YEATS4: variants seen among roughly 807,000 people sequenced by gnomAD.
YEATS4 encodes YEATS domain-containing protein 4.
YEATS4 carries 17 observed loss-of-function variants against 30.1 expected under a neutral mutation model. That is an observed-to-expected ratio of 0.56 (90% CI 0.39 to 0.85). YEATS4 has a LOEUF of 0.85. YEATS4 is among the 40% of genes least tolerant of loss of function. YEATS4 has a pLI of 0.00. For synonymous variants in YEATS4, 85 were observed against 87.5 expected (o/e 0.97, Z 0.16); for missense variants, 142 against 268.3 (o/e 0.53, Z 3.29).
At chr12:69,360,847 A>G (rs1400382981) in intron 1 of YEATS4, among the ~76,000 whole-genome samples, 1 of 151,838 alleles carries the variant, frequency 6.6e-6, no homozygotes, top group Non-Finnish European at 1.5e-5. Context: ...ATAAATAAAA[A>G]TCAGAAGGGG....
the YEATS4 span, among the ~76,000 whole-genome samples, chr12:69,398,437 T>A: frequency 0.99 from 151,273 of 152,272 alleles, 75,142 homozygotes; most frequent in African/African-American, 1. Flanking sequence ...ATAAAAATTT[T>A]AAAAAAATTT....
chr12:69,360,260 G>C (rs924992160), intron 1 of YEATS4, among the ~76,000 whole-genome samples: 6 of 152,188 alleles, frequency 3.9e-5, no homozygotes, highest in African/African-American at 1.4e-4. Context: ...CAGATAAATG[G>C]TGGCTTGGGG....
Position 69,359,748 on chromosome 12 carries a change from T to G in YEATS4, c.-225T>G. 1 of 550,750 alleles carries G rather than the reference T, an allele frequency of 1.8e-6. No homozygotes were observed. The highest frequency in any genetic ancestry group is 3.2e-6 in the Non-Finnish European group (1 of 315,506). 34.1% of individuals were successfully genotyped at this position (550,750 alleles called of 1,614,324 possible). Reference sequence around the variant, plus strand: ...GCGCGGTGCGGCCGTCGCCCCTCTTTTCGCGGCGTTCTCCACCTGCGCGGG... The same window carrying G: ...GCGCGGTGCGGCCGTCGCCCCTCTTGTCGCGGCGTTCTCCACCTGCGCGGG... On this transcript the variant is annotated 5_prime_UTR_variant, in exon 1 of 7. Transcript: ENST00000247843.
intron 6 of YEATS4, among the ~76,000 whole-genome samples, chr12:69,375,765 G>C (rs1442212946): frequency 6.6e-6 from 1 of 152,110 alleles, no homozygotes; most frequent in Non-Finnish European, 1.5e-5. Flanking sequence ...GGTGAGGCGT[G>C]GTGGTGCGCG....
chr12:69,396,812 C>T, the YEATS4 span, among the ~76,000 whole-genome samples: 2 of 152,134 alleles, frequency 1.3e-5, no homozygotes, highest in African/African-American at 4.8e-5. Context: ...AACTTCCATC[C>T]ATACAAAGTT....
intron 2 of YEATS4, among the ~76,000 whole-genome samples, chr12:69,363,827 A>G (rs1248796439): frequency 6.6e-6 from 1 of 152,240 alleles, no homozygotes; most frequent in African/African-American, 2.4e-5. Context: ...TGATGAATGG[A>G]TAAATAAAAT....
chr12:69,422,029 G>A, the YEATS4 span, among the ~76,000 whole-genome samples: 6 of 152,126 alleles, frequency 3.9e-5, no homozygotes, highest in South Asian at 1.0e-3. Flanking sequence ...CAGTGCAAGG[G>A]TATCCAGTCT....
rs74588363 is a variant in YEATS4 at position 69,362,321 on chromosome 12, A to G, written c.52-467A>G. ...GTTACAGTTATTACTATTTTTTAAT[A>G]CTGATTAAACACGTAAGTAAAAAAG... On this transcript the variant is annotated intron_variant, in intron 1 of 6. Coordinates refer to ENST00000247843, the MANE Select transcript of YEATS4 (RefSeq NM_006530.4). Among the ~76,000 whole-genome samples, 659 of 149,978 alleles carry G rather than the reference A, an allele frequency of 4.4e-3. 2 individuals are homozygous for G. Among genetic ancestry groups the G allele is most frequent in the Non-Finnish European group, 8.3e-3 (560 of 67,362 alleles).
chr12:69,388,161 C>T (rs955661116), intron 6 of YEATS4, among the ~76,000 whole-genome samples: 4 of 151,910 alleles, frequency 2.6e-5, no homozygotes, highest in African/African-American at 9.7e-5. Flanking sequence ...CCTGCGTTCA[C>T]GCCATTCTCC....
chr12:69,383,602 A>G (rs756911991), intron 6 of YEATS4, among the ~76,000 whole-genome samples: 6 of 152,218 alleles, frequency 3.9e-5, no homozygotes, highest in Non-Finnish European at 5.9e-5. Context: ...CAAGTGAAAA[A>G]AGTGTATCAG....
intron 6 of YEATS4, among the ~76,000 whole-genome samples, chr12:69,380,143 G>A (rs1876018070): frequency 6.6e-6 from 1 of 152,176 alleles, no homozygotes. Context: ...GGATGGTCTT[G>A]ATACTTGTTG....
At chr12:69,368,009 C>T (rs933871192) in intron 4 of YEATS4, among the ~76,000 whole-genome samples, 1 of 152,200 alleles carries the variant, frequency 6.6e-6, no homozygotes, top group Non-Finnish European at 1.5e-5. Context: ...CTTGAAGTCA[C>T]TCTTAGAAAG....
chr12:69,409,782 A>G, the YEATS4 span, among the ~76,000 whole-genome samples: 3 of 151,856 alleles, frequency 2.0e-5, no homozygotes, highest in Admixed American at 1.3e-4. Flanking sequence ...AAACATCTTT[A>G]GCATGCATGT....
chr12:69,365,324 G>A (rs315127), intron 2 of YEATS4, among the ~76,000 whole-genome samples: 8,994 of 151,848 alleles, frequency 0.059, 391 homozygotes, highest in African/African-American at 0.12. Flanking sequence ...GGTGGCAGCC[G>A]CCTGTAATCC....
At chr12:69,386,313 A>G (rs1055621346) in intron 6 of YEATS4, among the ~76,000 whole-genome samples, 3 of 152,210 alleles carry the variant, frequency 2.0e-5, no homozygotes, top group African/African-American at 4.8e-5. Context: ...CCTTCTGACA[A>G]TTGAGTTAAT....
At chr12:69,397,249 T>C in the YEATS4 span, among the ~76,000 whole-genome samples, 1 of 152,236 alleles carries the variant, frequency 6.6e-6, no homozygotes, top group Non-Finnish European at 1.5e-5. Flanking sequence ...AATTCACATA[T>C]TGAGCCCTAA....
At chr12:69,396,616 A>C in the YEATS4 span, among the ~76,000 whole-genome samples, 24 of 152,210 alleles carry the variant, frequency 1.6e-4, no homozygotes, top group Non-Finnish European at 3.2e-4. Flanking sequence ...TCTCAAAATT[A>C]ATGAGAACAT....
chr12:69,371,444 G>A (rs566916713), intron 6 of YEATS4, among the ~76,000 whole-genome samples: 4 of 152,168 alleles, frequency 2.6e-5, no homozygotes, highest in African/African-American at 7.2e-5. Context: ...ATTGATAATC[G>A]GTCATGTTGT....
intron 6 of YEATS4, among the ~76,000 whole-genome samples, chr12:69,374,846 G>A (rs912490309): frequency 8.6e-5 from 13 of 151,888 alleles, no homozygotes; most frequent in African/African-American, 1.5e-4. Context: ...TTTTCTATTC[G>A]ACAAAACCGC....
Sources: allele counts gnomAD v4.1 joint callset (sites outside exome capture counted in the v4.1 genomes callset), GRCh38; gene constraint gnomAD v4.1.1; transcripts MANE v1.5; gene names NCBI Gene and HGNC (gene_info 2026-07-23, HGNC 2026-07-21).